The following OR8D2 variants were observed in gnomAD, a reference collection of about 807,000 sequenced individuals.
OR8D2 encodes the protein olfactory receptor 8D2.
For synonymous variants in OR8D2, 156 were observed against 140.3 expected, an observed-to-expected ratio of 1.11 and a Z score of -0.79; for missense variants, 350 against 369.8, an observed-to-expected ratio of 0.95 and a Z score of 0.44.
chr11:124,319,441 CA>C lies in OR8D2; in HGVS notation c.756del (p.Phe252LeufsTer4), dbSNP rs1238695261. The C allele has an allele frequency of 1.9e-6, 3 of 1,609,710 alleles. No homozygotes were observed. Among genetic ancestry groups the C allele is most frequent in the Non-Finnish European group, 1.7e-6 (2 of 1,178,462 alleles). The stretch of plus-strand genomic sequence containing the variant: ...TTGAAATACATGAATGTTATAGACC[CA>C]AAAAAGATGCCCACAGCCAAGAGAT... The part of the protein sequence containing the change: ...SSHLLAVGIF[F>X]GSITFMYFKP... On this transcript the variant is annotated frameshift_variant, in exon 1 of 1. Transcript: ENST00000624618. LOFTEE classifies it low-confidence loss of function (END_TRUNC).
In OR8D2 at chr11:124,319,823, A is replaced by G; in HGVS notation, c.375T>C (p.Ala125=). The G allele has an allele frequency of 1.2e-6, 2 of 1,613,718 alleles. No homozygotes were observed. The highest frequency in any genetic ancestry group is 1.7e-6 in the Non-Finnish European group (2 of 1,179,866). ...TATTGTAAAGCAGTGGGCGACAGATAGCAACATAACGGTCATATTCCATGG... is the reference window on the plus strand; with the variant it reads ...TATTGTAAAGCAGTGGGCGACAGATGGCAACATAACGGTCATATTCCATGG... ...LTAMEYDRYV[A]ICRPLLYNIV... The change falls in exon 1 of 1, where the codon GCT becomes GCC. Residue 125 remains alanine (A), a synonymous_variant. Transcript: ENST00000624618.
Position 124,319,265 on chromosome 11 carries a change from G to T in OR8D2, c.933C>A (p.Ser311=). Residue 311 remains serine (S), a synonymous_variant, in exon 1 of 1, where the codon TCC becomes TCA. Coordinates refer to ENST00000624618, the MANE Select transcript of OR8D2 (RefSeq NM_001002918.1). ...LKKMTRGRQS[S] is the part of the protein sequence containing the mutation. ...CTGCCAATGAGAACCCTCTTTGTCA[G>T]GATGACTGCCTTCCCCTAGTCATCT... The T allele has an allele frequency of 6.7e-7, 1 of 1,483,314 alleles. No individual in the cohort carries two copies. The highest frequency in any genetic ancestry group is 9.0e-7 in the Non-Finnish European group (1 of 1,114,662). The allele number at this position is 1,483,314 out of a possible 1,614,324, so 91.9% of individuals were successfully genotyped here. A position where few individuals can be genotyped will look rare whatever the true frequency, so the allele number is the denominator to read the frequency against.
chr11:124,320,149 A>C lies in OR8D2; in HGVS notation c.49T>G (p.Leu17Val), dbSNP rs1312401872. The C allele has an allele frequency of 6.2e-7, 1 of 1,613,094 alleles. No homozygotes were observed. Among genetic ancestry groups the C allele is most frequent in the Non-Finnish European group, 8.5e-7 (1 of 1,179,442 alleles). Residue 17 changes from leucine (L) to valine (V), a missense_variant, in exon 1 of 1, where the codon TTG (leucine) becomes GTG (valine). Transcript: ENST00000624618. ...SSGAEFILAGLTQRPELQLPL... is the reference protein window; with the variant it reads ...SSGAEFILAGVTQRPELQLPL... ...AGTTGAAGTTCTGGGCGTTGTGTCA[A>C]GCCTGCCAGGATAAACTCAGCCCCT...
In OR8D2 at chr11:124,319,713, C is replaced by T. The variant is rs776771740; in HGVS notation, c.485G>A (p.Arg162His). 5.2e-5 allele frequency: 84 copies of T among 1,613,294 alleles called. No individual in the cohort carries two copies. Among genetic ancestry groups the T allele is most frequent in the Middle Eastern group, 1.6e-4 (1 of 6,082 alleles). The change falls in exon 1 of 1, where the codon CGC becomes CAC. Residue 162 changes from arginine to histidine, a missense_variant. Transcript: ENST00000624618. ...GFLWATVHTTRMSVLSFCRSH... is the reference protein window; with the variant it reads ...GFLWATVHTTHMSVLSFCRSH... The stretch of plus-strand genomic sequence containing the variant: ...CCTACAGAATGACAACACTGACATG[C>T]GGGTAGTATGGACTGTGGCCCACAG...
Position 124,319,882 on chromosome 11 carries a change from T to C in OR8D2, c.316A>G (p.Ile106Val). The change falls in exon 1 of 1, where the codon ATT becomes GTT. Residue 106 changes from isoleucine to valine, a missense_variant. Physicochemically the swap from Ile to Val is conservative, Grantham distance 29. Transcript: ENST00000624618. ...AGGTAGCCTTCTGCAATTACAAAAATAAGGAAGAAATAAAGTTGAGTAATG... is the reference window on the plus strand; with the variant it reads ...AGGTAGCCTTCTGCAATTACAAAAACAAGGAAGAAATAAAGTTGAGTAATG... ...ECITQLYFFLIFVIAEGYLLT... is the reference protein window; with the variant it reads ...ECITQLYFFLVFVIAEGYLLT... 1.2e-6 allele frequency: 2 copies of C among 1,613,390 alleles called. No homozygotes were observed. Among genetic ancestry groups the C allele is most frequent in the South Asian group, 2.2e-5 (2 of 91,050 alleles).
Position 124,319,597 on chromosome 11 carries a change from T to C in OR8D2, c.601A>G (p.Ile201Val). 1 of 1,613,532 alleles carries C rather than the reference T, an allele frequency of 6.2e-7. No homozygotes were observed. Among genetic ancestry groups the C allele is most frequent in the Non-Finnish European group, 8.5e-7 (1 of 1,179,832 alleles). ...STHINEILLF[I>V]IGGVNTLATT... ...GCTAAGGTATTAACTCCTCCAATAA[T>C]GAACAGCAGAATCTCATTGATGTGG... The change falls in exon 1 of 1, where the codon ATT becomes GTT. Residue 201 changes from isoleucine to valine, a missense_variant. Transcript: ENST00000624618.
rs1179826158 is a variant in OR8D2 at position 124,320,193 on chromosome 11, G to A, written c.5C>T (p.Ala2Val). The A allele has an allele frequency of 5.7e-6, 9 of 1,589,170 alleles. No homozygotes were observed. The highest frequency in any genetic ancestry group is 7.7e-6 in the Non-Finnish European group (9 of 1,167,598). M[A>V]TSNHSSGAEF... is the part of the protein sequence containing the mutation. ...AGCCCCTGAAGAATGGTTTGAAGTA[G>A]CCATGTCTTTTAAGGTATTATGTGT... The change falls in exon 1 of 1, where the codon GCT (alanine) becomes GTT (valine). Residue 2 changes from alanine to valine, a missense_variant. Ala to Val is a moderately conservative substitution (Grantham distance 64). Coordinates refer to ENST00000624618, the MANE Select transcript of OR8D2 (RefSeq NM_001002918.1).
Position 124,319,348 on chromosome 11 carries a change from T to C in OR8D2, c.850A>G (p.Met284Val). 6.3e-7 allele frequency: 1 copy of C among 1,597,614 alleles called. No homozygotes were observed. The highest frequency in any genetic ancestry group is 8.5e-7 in the Non-Finnish European group (1 of 1,174,366). Residue 284 changes from methionine (M) to valine (V), a missense_variant, in exon 1 of 1, where the codon ATG becomes GTG. Transcript: ENST00000624618. ...AGGCTATAGATTAGAGGATTCAGCA[T>C]GGGGATTATTGTGATGTAGAACACA... ...SSVFYITIIP[M>V]LNPLIYSLRN...
Position 124,319,566 on chromosome 11 carries a change from G to T in OR8D2, c.632C>A (p.Thr211Lys). The T allele has an allele frequency of 1.2e-6, 2 of 1,613,844 alleles. No individual in the cohort carries two copies. Among genetic ancestry groups the T allele is most frequent in the Non-Finnish European group, 1.7e-6 (2 of 1,179,894 alleles). ...AGCATAAGAGATAAGGACCGCCAGT[G>T]TAGTTGCTAAGGTATTAACTCCTCC... ...IIGGVNTLAT[T>K]LAVLISYAFI... The change falls in exon 1 of 1, where the codon ACA (threonine) becomes AAA (lysine). Residue 211 changes from threonine (T) to lysine (K), a missense_variant. Physicochemically the swap from Thr to Lys is moderately conservative, Grantham distance 78. Transcript: ENST00000624618.
chr11:124,319,576 A>G lies in OR8D2; in HGVS notation c.622T>C (p.Leu208=), dbSNP rs781063041. The stretch of plus-strand genomic sequence containing the variant: ...ATAAGGACCGCCAGTGTAGTTGCTA[A>G]GGTATTAACTCCTCCAATAATGAAC... ...LLFIIGGVNT[L]ATTLAVLISY... The change falls in exon 1 of 1, where the codon TTA becomes CTA. Residue 208 remains leucine (L), a synonymous_variant. Coordinates refer to ENST00000624618, the MANE Select transcript of OR8D2 (RefSeq NM_001002918.1). 5 of 1,613,756 alleles carry G rather than the reference A, an allele frequency of 3.1e-6. No individual in the cohort carries two copies. In the African/African-American group the frequency reaches 5.3e-5, roughly 17 times the overall value.
rs780776143 is a variant in OR8D2, at chr11:124,319,674, C to G, written c.524G>C (p.Ser175Thr). 6.2e-7 allele frequency: 1 copy of G among 1,613,620 alleles called. No homozygotes were observed. The highest frequency in any genetic ancestry group is 8.5e-7 in the Non-Finnish European group (1 of 1,179,894). Residue 175 changes from serine (S) to threonine (T), a missense_variant, in exon 1 of 1, where the codon AGT becomes ACT. By Grantham distance (58) the Ser-to-Thr change is moderately conservative. Transcript: ENST00000624618. ...GGGGAGAATATCACAAAAATAATGA[C>G]TGACCGTATGAGACCTACAGAATGA... Reference protein sequence around the residue: ...VLSFCRSHTVSHYFCDILPLL... With the variant: ...VLSFCRSHTVTHYFCDILPLL...
chr11:124,319,966 T>C lies in OR8D2; in HGVS notation c.232A>G (p.Thr78Ala), dbSNP rs372357067. Residue 78 changes from threonine to alanine, a missense_variant, in exon 1 of 1, where the codon ACC (threonine) becomes GCC (alanine). Physicochemically the swap from Thr to Ala is moderately conservative, Grantham distance 58. Coordinates refer to ENST00000624618, the MANE Select transcript of OR8D2 (RefSeq NM_001002918.1). Reference sequence around the variant, plus strand: ...ACAAAGTTCACCAGCATCTTAGGGGTAATGACAGAGGAGTAGCAGAGATCA... The same window carrying C: ...ACAAAGTTCACCAGCATCTTAGGGGCAATGACAGAGGAGTAGCAGAGATCA... The part of the protein sequence containing the change: ...FIDLCYSSVI[T>A]PKMLVNFVPE... 1 of 1,613,210 alleles carries C rather than the reference T, an allele frequency of 6.2e-7. No individual in the cohort carries two copies. The highest frequency in any genetic ancestry group is 8.5e-7 in the Non-Finnish European group (1 of 1,179,486).
In OR8D2 at chr11:124,319,657, T is replaced by C. The variant is rs765903401; in HGVS notation, c.541A>G (p.Ile181Val). 1.2e-6 allele frequency: 2 copies of C among 1,613,478 alleles called. No homozygotes were observed. The highest frequency in any genetic ancestry group is 1.7e-5 in the Admixed American group (1 of 59,900). The change falls in exon 1 of 1, where the codon ATT becomes GTT. Residue 181 changes from isoleucine (I) to valine (V), a missense_variant. By Grantham distance (29) the Ile-to-Val change is conservative. Coordinates refer to ENST00000624618, the MANE Select transcript of OR8D2 (RefSeq NM_001002918.1). ...SHTVSHYFCD[I>V]LPLLTLSCSS... ...CAAGACAGAGTCAATAAGGGGAGAA[T>C]ATCACAAAAATAATGACTGACCGTA...
At position 124,319,363 on chromosome 11, in the gene OR8D2, T is replaced by A. The variant is rs145955830; in HGVS notation, c.835A>T (p.Ile279Phe). The A allele has an allele frequency of 3.1e-6, 5 of 1,604,418 alleles. No homozygotes were observed. The South Asian group carries it at 5.6e-5, about 18-fold the overall frequency. ...GGATTCAGCATGGGGATTATTGTGA[T>A]GTAGAACACAGAAGACACCTTCTCT... Reference protein sequence around the residue: ...EKEKVSSVFYITIIPMLNPLI... With the variant: ...EKEKVSSVFYFTIIPMLNPLI... Residue 279 changes from isoleucine (I) to phenylalanine (F), a missense_variant, in exon 1 of 1, where the codon ATC becomes TTC. By Grantham distance (21) the Ile-to-Phe change is conservative (BLOSUM62 0). Coordinates refer to ENST00000624618, the MANE Select transcript of OR8D2 (RefSeq NM_001002918.1).
chr11:124,319,324 G>A lies in OR8D2; in HGVS notation c.874C>T (p.Leu292=), dbSNP rs778412692. 3 of 1,565,824 alleles carry A rather than the reference G, an allele frequency of 1.9e-6. No individual in the cohort carries two copies. The highest frequency in any genetic ancestry group is 2.6e-6 in the Non-Finnish European group (3 of 1,159,756). ...IPMLNPLIYS[L]RNKDVKNALK... ...GCATTTTTCACATCCTTGTTCCTCA[G>A]GCTATAGATTAGAGGATTCAGCATG... The change falls in exon 1 of 1, where the codon CTG becomes TTG. Residue 292 remains leucine (L), a synonymous_variant. Coordinates refer to ENST00000624618, the MANE Select transcript of OR8D2 (RefSeq NM_001002918.1).
chr11:124,319,815 C>T lies in OR8D2; in HGVS notation c.383G>A (p.Arg128His), dbSNP rs1167003847. Residue 128 changes from arginine to histidine, a missense_variant, in exon 1 of 1, where the codon CGC (arginine) becomes CAC (histidine). By Grantham distance (29) the Arg-to-His change is conservative. Transcript: ENST00000624618. ...CATGACAATATTGTAAAGCAGTGGG[C>T]GACAGATAGCAACATAACGGTCATA... The part of the protein sequence containing the change: ...MEYDRYVAIC[R>H]PLLYNIVMSH... 1.7e-5 allele frequency: 28 copies of T among 1,613,400 alleles called. No individual in the cohort carries two copies. Among genetic ancestry groups the T allele is most frequent in the Middle Eastern group, 1.7e-4 (1 of 6,056 alleles).
rs765769902 is a variant in OR8D2 at position 124,319,557 on chromosome 11, A to T, written c.641T>A (p.Val214Asp). The change falls in exon 1 of 1, where the codon GTC (valine) becomes GAC (aspartate). Residue 214 changes from valine (V) to aspartate (D), a missense_variant. By Grantham distance (152) the Val-to-Asp change is radical. Coordinates refer to ENST00000624618, the MANE Select transcript of OR8D2 (RefSeq NM_001002918.1). ...GAAAATGAAAGCATAAGAGATAAGG[A>T]CCGCCAGTGTAGTTGCTAAGGTATT... is the stretch of plus-strand genomic sequence containing the variant. ...GVNTLATTLA[V>D]LISYAFIFSS... is the part of the protein sequence containing the mutation. 1 of 1,613,830 alleles carries T rather than the reference A, an allele frequency of 6.2e-7. No homozygotes were observed. The highest frequency in any genetic ancestry group is 8.5e-7 in the Non-Finnish European group (1 of 1,179,882).
At position 124,320,098 on chromosome 11, in the gene OR8D2, T is replaced by C; in HGVS notation, c.100A>G (p.Ile34Val). The change falls in exon 1 of 1, where the codon ATA becomes GTA. Residue 34 changes from isoleucine to valine, a missense_variant. Transcript: ENST00000624618. ...TTCCCCACCACTGTGACCACATATA[T>C]TCCAAGGAACAGGAGGAAGAGTGGC... is the stretch of plus-strand genomic sequence containing the variant. ...QLPLFLLFLG[I>V]YVVTVVGNLG... The C allele has an allele frequency of 1.9e-6, 3 of 1,613,746 alleles. No individual in the cohort carries two copies. Among genetic ancestry groups the C allele is most frequent in the Non-Finnish European group, 2.5e-6 (3 of 1,179,808 alleles).
rs759027625 is a variant in OR8D2 at position 124,319,721 on chromosome 11, A to G, written c.477T>C (p.His159=). The change falls in exon 1 of 1, where the codon CAT becomes CAC. Residue 159 remains histidine, a synonymous_variant. Coordinates refer to ENST00000624618, the MANE Select transcript of OR8D2 (RefSeq NM_001002918.1). ...ATGACAACACTGACATGCGGGTAGT[A>G]TGGACTGTGGCCCACAGAAAACCCA... ...YSLGFLWATV[H]TTRMSVLSFC... is the part of the protein sequence containing the mutation. 9.3e-6 allele frequency: 15 copies of G among 1,613,516 alleles called. No individual in the cohort carries two copies. Among genetic ancestry groups the G allele is most frequent in the Non-Finnish European group, 1.2e-5 (14 of 1,179,838 alleles).
Sources: gnomAD v4.1 joint callset for allele counts on GRCh38, gnomAD v4.1.1 for gene constraint, MANE v1.5 for transcripts, NCBI Gene and HGNC (gene_info 2026-07-23, HGNC 2026-07-21) for gene names.